Variants in CDH23 observed in about 807,000 individuals in gnomAD.
CDH23 encodes the protein cadherin-23.
Under a neutral mutation model 317.1 loss-of-function variants are expected in CDH23, and 189 were observed. The ratio of observed to expected loss-of-function variants is 0.60; its 90% confidence interval spans 0.53 to 0.67. CDH23 has a LOEUF of 0.67. Among genes scored for constraint, CDH23 ranks in the 30% least tolerant of loss-of-function variants. The pLI, the probability that CDH23 is intolerant of heterozygous loss-of-function variation, is 0.00. For missense variants in CDH23, 4,401 were observed against 4,592.4 expected, an observed-to-expected ratio of 0.96 and a Z score of 1.20; for synonymous variants, 1,839 against 1,876.8, an observed-to-expected ratio of 0.98 and a Z score of 0.52.
rs114469277 is a variant in CDH23, at chr10:71,675,028, C to T, written c.1450-84C>T. The T allele has an allele frequency of 8.3e-4, 1,029 of 1,241,112 alleles. 5 individuals are homozygous for T. In the African/African-American group the frequency reaches 0.011, roughly 13 times the overall value. The allele number at this position is 1,241,112 out of a possible 1,614,324, so 76.9% of individuals were successfully genotyped here. A position where few individuals can be genotyped will look rare whatever the true frequency, so the allele number is the denominator to read the frequency against. Reference sequence around the variant, plus strand: ...AAAATTCACCCTGGGCCAAAGGAGACGTGCGAGAGGAACATGGGTTTCCTG... The same window carrying T: ...AAAATTCACCCTGGGCCAAAGGAGATGTGCGAGAGGAACATGGGTTTCCTG... On this transcript the variant is annotated intron_variant, in intron 14 of 69. Coordinates refer to ENST00000224721, the MANE Select transcript of CDH23 (RefSeq NM_022124.6).
In CDH23 at chr10:71,620,404, ATG is replaced by A. The variant is rs543561957; in HGVS notation, c.1134+3013_1134+3014del. Among the ~76,000 whole-genome samples the A allele has an allele frequency of 9.9e-5, 15 of 152,096 alleles. No individual in the cohort carries two copies. The East Asian group carries it at 1.9e-3, about 20-fold the overall frequency. On this transcript the variant is annotated intron_variant, in intron 11 of 69. Coordinates refer to ENST00000224721, the MANE Select transcript of CDH23 (RefSeq NM_022124.6). ...GCCTGAGTCCAGCGAGTGCCACCAG[ATG>A]TAAGGCCGGAACCCCCCAGGACTGC...
chr10:71,715,797 C>G, intron 28 of CDH23: 1 of 800,708 alleles, frequency 1.2e-6, no homozygotes, highest in South Asian at 2.5e-5. Flanking sequence ...CCTGGGCATG[C>G]AAGGAGCTTC....
chr10:71,551,245 G>A (rs1856580585), intron 6 of CDH23, among the ~76,000 whole-genome samples: 3 of 152,202 alleles, frequency 2.0e-5, no homozygotes, highest in Non-Finnish European at 2.9e-5. Context: ...CTTCATCTGG[G>A]TTTCATTTGT....
intron 31 of CDH23, among the ~76,000 whole-genome samples, chr10:71,730,955 C>T (rs752001180): frequency 6.6e-5 from 10 of 152,290 alleles, no homozygotes; most frequent in African/African-American, 1.4e-4. Flanking sequence ...AAGCTGGCTG[C>T]GGCCTGGCCT....
intron 14 of CDH23, among the ~76,000 whole-genome samples, chr10:71,648,894 C>T (rs1207884608): frequency 6.6e-6 from 1 of 152,150 alleles, no homozygotes; most frequent in East Asian, 1.9e-4. Context: ...GGGCCCATTT[C>T]ATCAGGTAAC....
At chr10:71,671,630 C>T (rs2132657228) in intron 14 of CDH23, among the ~76,000 whole-genome samples, 1 of 90,468 alleles carries the variant, frequency 1.1e-5, no homozygotes, top group East Asian at 4.9e-4. Context: ...CTGGGATAGA[C>T]TCAGTCGCTG....
chr10:71,598,138 G>C (rs572702573), intron 9 of CDH23, among the ~76,000 whole-genome samples: 1 of 152,214 alleles, frequency 6.6e-6, no homozygotes, highest in Admixed American at 6.5e-5. Context: ...ATCTTCCGAC[G>C]GGAGCCTGTA....
intron 9 of CDH23, among the ~76,000 whole-genome samples, chr10:71,599,627 A>G (rs1860088015): frequency 6.6e-6 from 1 of 152,034 alleles, no homozygotes; most frequent in South Asian, 2.1e-4. Context: ...TTGTCTCTAC[A>G]TTTGTGTTTC....
Position 71,427,246 on chromosome 10 carries a change from G to GAAAGAAAGAAA in CDH23, c.-5-12581_-5-12580insAAAGAAAGAAA, listed in dbSNP as rs1193969874. ...GAAAGAAAGAAAGAAAGAAAGAAAG[G>GAAAGAAAGAAA]GAAAGAAAGAAAGAGAAAGAGAGAA... On this transcript the variant is annotated intron_variant, in intron 1 of 69. Transcript: ENST00000224721. 2.9e-3 allele frequency among the ~76,000 whole-genome samples: 50 copies of GAAAGAAAGAAA among 17,324 alleles called. 3 individuals are homozygous for GAAAGAAAGAAA. The highest frequency in any genetic ancestry group is 7.7e-3 in the African/African-American group (49 of 6,364). The allele number at this position is 17,324 out of a possible 152,430, so 11.4% of individuals were successfully genotyped here.
intron 3 of CDH23, among the ~76,000 whole-genome samples, chr10:71,460,716 G>A (rs1264131002): frequency 6.6e-6 from 1 of 152,164 alleles, no homozygotes; most frequent in Non-Finnish European, 1.5e-5. Flanking sequence ...TCATCGCGGT[G>A]CCAACCATTG....
chr10:71,502,714 C>T (rs1428108082), intron 3 of CDH23, among the ~76,000 whole-genome samples: 1 of 152,146 alleles, frequency 6.6e-6, no homozygotes, highest in Admixed American at 6.5e-5. Flanking sequence ...GTAAGGAATT[C>T]GTTTTCATTC....
chr10:71,527,060 C>T (rs1175647746), intron 6 of CDH23, among the ~76,000 whole-genome samples: 2 of 152,212 alleles, frequency 1.3e-5, no homozygotes, highest in Non-Finnish European at 2.9e-5. Context: ...TGGCACCTTG[C>T]AGCCTTCCTG....
chr10:71,742,493 G>A (rs946556313), intron 38 of CDH23, among the ~76,000 whole-genome samples: 1 of 152,250 alleles, frequency 6.6e-6, no homozygotes, highest in Non-Finnish European at 1.5e-5. Flanking sequence ...GGAAGGACTT[G>A]TGGTCCTCAA....
Position 71,798,377 on chromosome 10 carries a change from G to A in CDH23, c.6853G>A (p.Asp2285Asn), listed in dbSNP as rs1465980836. The change falls in exon 50 of 70, where the codon GAC becomes AAC. Residue 2285 changes from aspartate to asparagine, a missense_variant. Physicochemically the swap from Asp to Asn is conservative, Grantham distance 23 (BLOSUM62 1). Around this residue, in one of 3 missense-constraint regions of CDH23, gnomAD observed 3,068 missense variants for 3,203.3 expected, o/e 0.96. Coordinates refer to ENST00000224721, the MANE Select transcript of CDH23 (RefSeq NM_022124.6). The stretch of plus-strand genomic sequence containing the variant: ...AGCCAAGCTGACTGTCAACGTCCTG[G>A]ACGTCAATGACAATACGCCCCAGTT... ...PNAKLTVNVLDVNDNTPQFKP... is the reference protein window; with the variant it reads ...PNAKLTVNVLNVNDNTPQFKP... 6.2e-7 allele frequency: 1 copy of A among 1,613,868 alleles called. No homozygotes were observed. The highest frequency in any genetic ancestry group is 8.5e-7 in the Non-Finnish European group (1 of 1,179,772).
intron 9 of CDH23, among the ~76,000 whole-genome samples, chr10:71,608,419 G>C (rs1417104724): frequency 6.6e-6 from 1 of 152,162 alleles, no homozygotes; most frequent in Non-Finnish European, 1.5e-5. Context: ...GCCATTTAAA[G>C]AGATGGCTGC....
chr10:71,769,028 C>T (rs1465943617), intron 38 of CDH23, among the ~76,000 whole-genome samples: 1 of 152,214 alleles, frequency 6.6e-6, no homozygotes, highest in Non-Finnish European at 1.5e-5. Context: ...GGAGGCCCCA[C>T]CTCCTTCTTG....
intron 2 of CDH23, among the ~76,000 whole-genome samples, chr10:71,441,701 GA>G (rs35878252): frequency 6.6e-6 from 1 of 150,716 alleles, no homozygotes; most frequent in Admixed American, 6.6e-5. Context: ...CAGCCTGGGT[GA>G]AAGAGTGAGA....
intron 9 of CDH23, among the ~76,000 whole-genome samples, chr10:71,613,310 T>C (rs952288189): frequency 2.0e-5 from 3 of 152,166 alleles, no homozygotes; most frequent in African/African-American, 7.2e-5. Context: ...CTCCCCACTA[T>C]GCAAACGCAG....
rs1174206523 is a variant in CDH23 at position 71,599,990 on chromosome 10, C to CTT, written c.833-15489_833-15488dup. ...CCCATTTACACCTTCAATGTCTTTC[C>CTT]TTTTTTTTTTTTTTTTTTTTTTTTT... On this transcript the variant is annotated intron_variant, in intron 9 of 69. Transcript: ENST00000224721. Among the ~76,000 whole-genome samples the CTT allele has an allele frequency of 1.1e-3, 118 of 109,538 alleles. 5 individuals are homozygous for CTT. Among genetic ancestry groups the CTT allele is most frequent in the East Asian group, 1.8e-3 (6 of 3,394 alleles). The allele number at this position is 109,538 out of a possible 152,430, so 71.9% of individuals were successfully genotyped here.
Sources: gnomAD v4.1 joint callset for allele counts (sites outside exome capture counted in the v4.1 genomes callset) on GRCh38, gnomAD v4.1.1 for gene constraint, gnomAD v4.1.1 regional missense constraint, MANE v1.5 for transcripts, NCBI Gene and HGNC (gene_info 2026-07-23, HGNC 2026-07-21) for gene names.